RUSC2: variants seen among roughly 807,000 people sequenced by gnomAD.
RUSC2 encodes AP-4 complex accessory subunit RUSC2.
A neutral mutation model predicts 122.2 loss-of-function variants in RUSC2; 34 were observed. That is an observed-to-expected ratio of 0.28 (90% CI 0.21 to 0.37). The LOEUF (loss-of-function observed/expected upper bound fraction) is 0.37, where lower values mean the gene tolerates loss of function less well. Among genes scored for constraint, RUSC2 ranks in the 10% least tolerant of loss-of-function variants. The pLI, the probability that RUSC2 is intolerant of heterozygous loss-of-function variation, is 1.00. For synonymous variants in RUSC2, 784 were observed against 790.0 expected, an observed-to-expected ratio of 0.99 and a Z score of 0.13; for missense variants, 1,747 against 1,952.4, an observed-to-expected ratio of 0.89 and a Z score of 1.98.
chr9:35,524,945 T>C (rs2132522422), intron 1 of RUSC2, among the ~76,000 whole-genome samples: 1 of 148,270 alleles, frequency 6.7e-6, no homozygotes, highest in African/African-American at 2.5e-5. Flanking sequence ...CACTCCAGCC[T>C]GGGGGACAGA....
At position 35,555,937 on chromosome 9, in the gene RUSC2, C is replaced by G; in HGVS notation, c.2657-15C>G. 1.2e-6 allele frequency: 2 copies of G among 1,611,110 alleles called. No individual in the cohort carries two copies. The highest frequency in any genetic ancestry group is 8.5e-7 in the Non-Finnish European group (1 of 1,177,944). ...TGCCAACTCTTGTCTTTCTGCTAAT[C>G]TGTTCTGCTTCCAGCCAACCACCTA... On this transcript the variant is annotated splice_polypyrimidine_tract_variant and intron_variant, in intron 3 of 11. Coordinates refer to ENST00000361226, the MANE Select transcript of RUSC2 (RefSeq NM_014806.5). The surrounding 1 kb of genome is among the most constrained non-coding windows in gnomAD (Gnocchi z 4.6).
intron 2 of RUSC2, among the ~76,000 whole-genome samples, chr9:35,552,722 G>T (rs1231256314): frequency 6.6e-6 from 1 of 152,210 alleles, no homozygotes. Context: ...CTGAGGAACT[G>T]GGGGACTGGG....
At chr9:35,527,640 C>G (rs1420466840) in intron 1 of RUSC2, among the ~76,000 whole-genome samples, 2 of 152,158 alleles carry the variant, frequency 1.3e-5, no homozygotes, top group African/African-American at 4.8e-5. Context: ...TTTTTGGTAT[C>G]TGAAGTTCTT....
intron 1 of RUSC2, among the ~76,000 whole-genome samples, chr9:35,511,327 T>G (rs1193972691): frequency 6.6e-6 from 1 of 152,192 alleles, no homozygotes; most frequent in Admixed American, 6.5e-5. Flanking sequence ...CCTGCTGTTC[T>G]TGGTCCCCTG....
chr9:35,517,733 A>C (rs949318046), intron 1 of RUSC2, among the ~76,000 whole-genome samples: 11 of 152,160 alleles, frequency 7.2e-5, no homozygotes, highest in African/African-American at 2.7e-4. Flanking sequence ...CCTATTTCCT[A>C]ATGTGGCCAC....
chr9:35,549,283 C>T lies in RUSC2; in HGVS notation c.2014+748C>T, dbSNP rs571532275. 268 of 895,162 alleles carry T rather than the reference C, an allele frequency of 3.0e-4. 5 individuals carry two copies. In the South Asian group the frequency reaches 0.011, roughly 37 times the overall value. 55.5% of individuals were successfully genotyped at this position (895,162 alleles called of 1,614,324 possible). A position where few individuals can be genotyped will look rare whatever the true frequency, so the allele number is the denominator to read the frequency against. On this transcript the variant is annotated intron_variant, in intron 2 of 11. Coordinates refer to ENST00000361226, the MANE Select transcript of RUSC2 (RefSeq NM_014806.5). ...ACAACAACAACACACACACACTGGG[C>T]GTCAGTGAAGTTTTTTTTTTTTTCT... is the stretch of plus-strand genomic sequence containing the variant.
At chr9:35,512,008 G>A (rs1417059212) in intron 1 of RUSC2, among the ~76,000 whole-genome samples, 3 of 151,934 alleles carry the variant, frequency 2.0e-5, no homozygotes, top group Non-Finnish European at 4.4e-5. Flanking sequence ...GTGAAACCCC[G>A]TCTCTACTAA....
chr9:35,526,603 T>G (rs1821329738), intron 1 of RUSC2, among the ~76,000 whole-genome samples: 1 of 152,198 alleles, frequency 6.6e-6, no homozygotes, highest in South Asian at 2.1e-4. Flanking sequence ...TGTTAACTAT[T>G]AAATGTATTG....
rs1392096795 is a variant in RUSC2 at position 35,547,612 on chromosome 9, A to T, written c.1091A>T (p.Asn364Ile). The T allele has an allele frequency of 6.2e-7, 1 of 1,613,814 alleles. No individual in the cohort carries two copies. Among genetic ancestry groups the T allele is most frequent in the Non-Finnish European group, 8.5e-7 (1 of 1,179,942 alleles). Residue 364 changes from asparagine to isoleucine, a missense_variant, in exon 2 of 12, where the codon AAC becomes ATC. Coordinates refer to ENST00000361226, the MANE Select transcript of RUSC2 (RefSeq NM_014806.5). This position sits in a 1 kb window ranked among gnomAD's most constrained non-coding sequence, Gnocchi z 4.6. Reference protein sequence around the residue: ...ASSPELDANCNSYRPHCEPCP... With the variant: ...ASSPELDANCISYRPHCEPCP... ...TCTCCTGAGCTTGATGCCAACTGCAACTCCTACCGCCCACACTGTGAGCCG... is the reference window on the plus strand; with the variant it reads ...TCTCCTGAGCTTGATGCCAACTGCATCTCCTACCGCCCACACTGTGAGCCG...
At chr9:35,529,910 G>T (rs1003866770) in intron 1 of RUSC2, among the ~76,000 whole-genome samples, 12 of 152,004 alleles carry the variant, frequency 7.9e-5, no homozygotes, top group African/African-American at 2.9e-4. Context: ...AAGCCAGCTG[G>T]GCTCCATTTA....
rs927706484 is a variant in RUSC2 at position 35,547,750 on chromosome 9, C to A, written c.1229C>A (p.Pro410Gln). The A allele has an allele frequency of 3.7e-6, 6 of 1,614,198 alleles. No individual in the cohort carries two copies. The highest frequency in any genetic ancestry group is 4.2e-6 in the Non-Finnish European group (5 of 1,180,050). Residue 410 changes from proline (P) to glutamine (Q), a missense_variant, in exon 2 of 12, where the codon CCA becomes CAA. By Grantham distance (76) the Pro-to-Gln change is moderately conservative. Coordinates refer to ENST00000361226, the MANE Select transcript of RUSC2 (RefSeq NM_014806.5). This position sits in a 1 kb window ranked among gnomAD's most constrained non-coding sequence, Gnocchi z 4.6. ...VTCDLSSQSS[P>Q]SPAGSSITSC... ...TGTGACCTATCTTCCCAATCATCCC[C>A]AAGCCCTGCTGGCTCTTCCATCACT...
intron 1 of RUSC2, among the ~76,000 whole-genome samples, chr9:35,544,788 C>CT (rs1403331777): frequency 6.6e-6 from 1 of 151,978 alleles, no homozygotes; most frequent in Non-Finnish European, 1.5e-5. Flanking sequence ...TATGTTTTTT[C>CT]TTTTGTCACT....
chr9:35,532,293 G>C (rs187694613), intron 1 of RUSC2, among the ~76,000 whole-genome samples: 2 of 152,276 alleles, frequency 1.3e-5, no homozygotes, highest in African/African-American at 4.8e-5. Context: ...GGAAATCAAC[G>C]GCAAAGGTAA....
rs1056172399 is a variant in RUSC2 at position 35,561,511 on chromosome 9, C to T, written c.*129C>T. 2.8e-6 allele frequency: 2 copies of T among 720,298 alleles called. No homozygotes were observed. Among genetic ancestry groups the T allele is most frequent in the East Asian group, 2.7e-5 (1 of 37,656 alleles). 44.6% of individuals were successfully genotyped at this position (720,298 alleles called of 1,614,324 possible). A position where few individuals can be genotyped will look rare whatever the true frequency, so the allele number is the denominator to read the frequency against. Reference sequence around the variant, plus strand: ...CTGGGGCCACGTATCCCTGTGCTGGCACCTGCTCCCTGTGCTCAGTATTAA... The same window carrying T: ...CTGGGGCCACGTATCCCTGTGCTGGTACCTGCTCCCTGTGCTCAGTATTAA... On this transcript the variant is annotated 3_prime_UTR_variant, in exon 12 of 12. Coordinates refer to ENST00000361226, the MANE Select transcript of RUSC2 (RefSeq NM_014806.5).
intron 1 of RUSC2, among the ~76,000 whole-genome samples, chr9:35,535,544 T>TA (rs1821507530): frequency 6.7e-6 from 1 of 148,946 alleles, no homozygotes; most frequent in African/African-American, 2.5e-5. Flanking sequence ...CTTTTTTTTT[T>TA]TTTTTTTTTT....
At chr9:35,516,022 A>AAAAAAAAAAAAAAAAAAAAAAGAAAG (rs1554724501) in intron 1 of RUSC2, among the ~76,000 whole-genome samples, 1 of 127,116 alleles carries the variant, frequency 7.9e-6, no homozygotes, top group Non-Finnish European at 1.6e-5. Flanking sequence ...AAAAAAAAAA[A>AAAAAAAAAAAAAAAAAAAAAAGAAAG]AGAGAAATGC....
At chr9:35,516,444 GA>G (rs945642810) in intron 1 of RUSC2, among the ~76,000 whole-genome samples, 2 of 149,672 alleles carry the variant, frequency 1.3e-5, no homozygotes, top group African/African-American at 2.5e-5. Flanking sequence ...TTGGGGGAAA[GA>G]AAAAAAAAGG....
At chr9:35,529,212 G>T (rs1306396856) in intron 1 of RUSC2, among the ~76,000 whole-genome samples, 2 of 152,004 alleles carry the variant, frequency 1.3e-5, no homozygotes, top group African/African-American at 4.8e-5. Context: ...TGTTATTCTG[G>T]GGCAAGAGTT....
intron 1 of RUSC2, among the ~76,000 whole-genome samples, chr9:35,490,763 CAGTAA>C (rs1820550717): frequency 5.9e-5 from 9 of 152,214 alleles, no homozygotes; most frequent in African/African-American, 2.2e-4. Context: ...TTTGGCTTGG[CAGTAA>C]CCGTCCCCTA....
Sources: gnomAD v4.1 joint callset for allele counts (sites outside exome capture counted in the v4.1 genomes callset) on GRCh38, gnomAD v4.1.1 for gene constraint, Gnocchi (gnomAD v3.1) non-coding constraint, MANE v1.5 for transcripts, NCBI Gene and HGNC (gene_info 2026-07-23, HGNC 2026-07-21) for gene names.